Variants in TMEM132D observed in about 807,000 individuals in gnomAD.
TMEM132D encodes mature OL transmembrane protein.
In TMEM132D, 21 loss-of-function variants were observed where a neutral mutation model predicts 62.3. The ratio of observed to expected loss-of-function variants is 0.34; its 90% confidence interval spans 0.24 to 0.49. TMEM132D has a LOEUF of 0.49. TMEM132D is among the 20% of genes least tolerant of loss of function. TMEM132D has a pLI of 0.99. For synonymous variants in TMEM132D, 621 were observed against 575.6 expected (o/e 1.08, Z -1.13); for missense variants, 1,346 against 1,402.8 (o/e 0.96, Z 0.65).
chr12:129,654,919 C>A lies in TMEM132D; in HGVS notation c.968+44891G>T, dbSNP rs541022119. On this transcript the variant is annotated intron_variant, in intron 2 of 8. Coordinates refer to ENST00000422113, the MANE Select transcript of TMEM132D (RefSeq NM_133448.3). ...CCAAAAACATTGTCCTTCCATTGTT[C>A]TCTCATTTAATTTCCTTGAATTCCT... Among the ~76,000 whole-genome samples, 6 of 152,044 alleles carry A rather than the reference C, an allele frequency of 3.9e-5. No individual in the cohort carries two copies. In the East Asian group the frequency reaches 1.2e-3, roughly 29 times the overall value.
intron 5 of TMEM132D, among the ~76,000 whole-genome samples, chr12:129,168,742 A>C (rs1877634548): frequency 1.3e-5 from 2 of 152,134 alleles, no homozygotes; most frequent in Admixed American, 1.3e-4. Context: ...TACCTTCCAG[A>C]TGCTGGTGGT....
chr12:129,714,911 C>T (rs1033859331), intron 1 of TMEM132D, among the ~76,000 whole-genome samples: 3 of 152,186 alleles, frequency 2.0e-5, no homozygotes, highest in African/African-American at 7.2e-5. Context: ...AGTTTGGACA[C>T]AGAGCGCTGA....
chr12:129,257,256 G>A (rs1880431600), intron 4 of TMEM132D, among the ~76,000 whole-genome samples: 1 of 148,716 alleles, frequency 6.7e-6, no homozygotes, highest in Non-Finnish European at 1.5e-5. Context: ...GCCCAGGCAG[G>A]AATGCAGTGG....
intron 2 of TMEM132D, among the ~76,000 whole-genome samples, chr12:129,616,750 G>A (rs1034190609): frequency 1.3e-5 from 2 of 152,180 alleles, no homozygotes; most frequent in Non-Finnish European, 2.9e-5. Flanking sequence ...CTGCTGAACT[G>A]TGAGTCAATT....
chr12:129,289,086 T>A (rs1881376282), intron 4 of TMEM132D, among the ~76,000 whole-genome samples: 1 of 151,978 alleles, frequency 6.6e-6, no homozygotes, highest in Admixed American at 6.6e-5. Flanking sequence ...GAACGGTGGG[T>A]GCCAGGGATG....
rs1334279609 is a variant in TMEM132D at position 129,078,603 on chromosome 12, G to T, written c.2046C>A (p.Leu682=). Residue 682 remains leucine, a synonymous_variant, in exon 8 of 9, where the codon CTC becomes CTA. Coordinates refer to ENST00000422113, the MANE Select transcript of TMEM132D (RefSeq NM_133448.3). ...LVTGLSLSLQ[L]SPGSNRAIFA... Reference sequence around the variant, plus strand: ...AGATGGCCCTGTTGCTTCCTGGGCTGAGCTGCAAGGAGAGTGACAGCCCTG... The same window carrying T: ...AGATGGCCCTGTTGCTTCCTGGGCTTAGCTGCAAGGAGAGTGACAGCCCTG... 6.2e-7 allele frequency: 1 copy of T among 1,614,146 alleles called. No individual in the cohort carries two copies. The highest frequency in any genetic ancestry group is 1.1e-5 in the South Asian group (1 of 91,078).
chr12:129,875,883 C>A (rs1022371344), intron 1 of TMEM132D, among the ~76,000 whole-genome samples: 3 of 152,140 alleles, frequency 2.0e-5, no homozygotes, highest in Non-Finnish European at 2.9e-5. Flanking sequence ...ACAACATGTC[C>A]ATCAGCAGCG....
chr12:129,379,629 T>G (rs1027571197), intron 3 of TMEM132D, among the ~76,000 whole-genome samples: 1 of 152,198 alleles, frequency 6.6e-6, no homozygotes, highest in Non-Finnish European at 1.5e-5. Context: ...GTGCTGTCAC[T>G]GGGCAACTAT....
chr12:129,573,819 G>T (rs778197793), intron 2 of TMEM132D, among the ~76,000 whole-genome samples: 1 of 149,654 alleles, frequency 6.7e-6, no homozygotes. Flanking sequence ...AGGATATTCC[G>T]TGTGAAAGAA....
chr12:129,371,350 T>C lies in TMEM132D; in HGVS notation c.1116-33533A>G, dbSNP rs1870594230. ...ATAACGATGGTGATGATTATAATGA[T>C]GGTGACAATAATGATGTGATGATGG... On this transcript the variant is annotated intron_variant, in intron 3 of 8. Transcript: ENST00000422113. The surrounding 1 kb of genome is among the most constrained non-coding windows in gnomAD (Gnocchi z 4.3). Among the ~76,000 whole-genome samples the C allele has an allele frequency of 6.6e-6, 1 of 151,862 alleles. No individual in the cohort carries two copies. Among genetic ancestry groups the C allele is most frequent in the Non-Finnish European group, 1.5e-5 (1 of 67,970 alleles).
At chr12:129,453,118 T>C (rs892087211) in intron 3 of TMEM132D, among the ~76,000 whole-genome samples, 16 of 152,242 alleles carry the variant, frequency 1.1e-4, no homozygotes, top group African/African-American at 3.1e-4. Flanking sequence ...AGGTTGTGCA[T>C]TCCTTATCAT....
chr12:129,201,794 G>T (rs1490065199), intron 5 of TMEM132D, among the ~76,000 whole-genome samples: 2 of 152,156 alleles, frequency 1.3e-5, no homozygotes, highest in Non-Finnish European at 2.9e-5. Flanking sequence ...GAGAGAAGGA[G>T]GGAGGGAGAG....
At chr12:129,328,219 GAA>G (rs1868982006) in intron 4 of TMEM132D, among the ~76,000 whole-genome samples, 1 of 152,212 alleles carries the variant, frequency 6.6e-6, no homozygotes, top group Non-Finnish European at 1.5e-5. Context: ...TATTAATTCT[GAA>G]ATTATCTTGC....
At chr12:129,636,015 A>G (rs747158009) in intron 2 of TMEM132D, among the ~76,000 whole-genome samples, 2 of 152,258 alleles carry the variant, frequency 1.3e-5, no homozygotes, top group African/African-American at 4.8e-5. Context: ...TGAAAGAGTT[A>G]TTACCTAAAG....
At chr12:129,815,602 A>G (rs1040101863) in intron 1 of TMEM132D, among the ~76,000 whole-genome samples, 3 of 152,204 alleles carry the variant, frequency 2.0e-5, no homozygotes, top group African/African-American at 4.8e-5. Flanking sequence ...CTTTTCAATT[A>G]GATGCACGTG....
At chr12:129,460,867 A>G (rs1873643216) in intron 3 of TMEM132D, among the ~76,000 whole-genome samples, 1 of 152,220 alleles carries the variant, frequency 6.6e-6, no homozygotes, top group East Asian at 1.9e-4. Flanking sequence ...CTTCATTTAC[A>G]GATGACTGTG....
intron 5 of TMEM132D, among the ~76,000 whole-genome samples, chr12:129,175,485 C>T (rs1877878168): frequency 1.3e-5 from 2 of 152,026 alleles, no homozygotes; most frequent in Non-Finnish European, 1.5e-5. Flanking sequence ...AAAATTATTC[C>T]AAATCATGTA....
chr12:129,882,422 T>C (rs1409318446), intron 1 of TMEM132D, among the ~76,000 whole-genome samples: 2 of 152,146 alleles, frequency 1.3e-5, no homozygotes, highest in Admixed American at 1.3e-4. Flanking sequence ...ATGCCATCAC[T>C]AAATTGGGTT....
rs145144095 is a variant in TMEM132D, at chr12:129,336,448, C to T, written c.1299+1186G>A. Among the ~76,000 whole-genome samples the T allele has an allele frequency of 5.3e-4, 80 of 152,118 alleles. 1 individual carries two copies. The East Asian group carries it at 0.014, about 27-fold the overall frequency. Reference sequence around the variant, plus strand: ...AAAATTAGCCAGGCATGGTGGTGGGCACCTGTAATCCCAGCTACTGGGGAG... The same window carrying T: ...AAAATTAGCCAGGCATGGTGGTGGGTACCTGTAATCCCAGCTACTGGGGAG... On this transcript the variant is annotated intron_variant, in intron 4 of 8. Coordinates refer to ENST00000422113, the MANE Select transcript of TMEM132D (RefSeq NM_133448.3).
Sources: allele counts gnomAD v4.1 joint callset (sites outside exome capture counted in the v4.1 genomes callset), GRCh38; gene constraint gnomAD v4.1.1; non-coding constraint Gnocchi (gnomAD v3.1); transcripts MANE v1.5; gene names NCBI Gene and HGNC (gene_info 2026-07-23, HGNC 2026-07-21).